Variants in NAALADL2 observed in about 807,000 individuals in gnomAD.
NAALADL2 encodes the protein N-acetylated alpha-linked acidic dipeptidase like 2, also known as inactive N-acetylated-alpha-linked acidic dipeptidase-like protein 2.
NAALADL2 carries 76 observed loss-of-function variants against 87.2 expected under a neutral mutation model. The ratio of observed to expected loss-of-function variants is 0.87; its 90% CI spans 0.72 to 1.05. The LOEUF (loss-of-function observed/expected upper bound fraction) is 1.05. Ranked by LOEUF, NAALADL2 falls within the 50% of genes least tolerant of loss-of-function variation. NAALADL2 has a pLI of 0.00. For missense variants in NAALADL2, 1,089 were observed against 945.8 expected (o/e 1.15, Z -1.99); for synonymous variants, 354 against 331.0 (o/e 1.07, Z -0.75).
chr3:174,649,114 C>A (rs1327857524), intron 2 of NAALADL2, among the ~76,000 whole-genome samples: 2 of 152,074 alleles, frequency 1.3e-5, no homozygotes, highest in Non-Finnish European at 2.9e-5. Flanking sequence ...CAGGCTCCTG[C>A]CACCGAGCCC....
chr3:175,508,121 T>C (rs995822983), intron 9 of NAALADL2, among the ~76,000 whole-genome samples: 1 of 152,178 alleles, frequency 6.6e-6, no homozygotes, highest in African/African-American at 2.4e-5. Context: ...CATACATTTT[T>C]AAACCACCAG....
intron 9 of NAALADL2, among the ~76,000 whole-genome samples, chr3:175,473,260 T>C (rs1725160438): frequency 6.6e-6 from 1 of 152,142 alleles, no homozygotes; most frequent in African/African-American, 2.4e-5. Flanking sequence ...CAAGTGATGA[T>C]TGATGATTCA....
chr3:174,775,454 T>C (rs1715092477), intron 3 of NAALADL2, among the ~76,000 whole-genome samples: 1 of 152,194 alleles, frequency 6.6e-6, no homozygotes, highest in South Asian at 2.1e-4. Flanking sequence ...GTTTCATCCA[T>C]GATATAGCAT....
chr3:175,590,930 C>T (rs771704239), intron 10 of NAALADL2, among the ~76,000 whole-genome samples: 1 of 151,890 alleles, frequency 6.6e-6, no homozygotes, highest in Non-Finnish European at 1.5e-5. Context: ...AAGGGGGGTG[C>T]GAATTATTAA....
chr3:174,814,400 C>T (rs570513808), intron 3 of NAALADL2, among the ~76,000 whole-genome samples: 7 of 152,252 alleles, frequency 4.6e-5, no homozygotes, highest in Non-Finnish European at 8.8e-5. Flanking sequence ...AGCCACTGTG[C>T]CTGGCCTGTT....
chr3:174,501,585 A>G (rs1402258724), intron 1 of NAALADL2, among the ~76,000 whole-genome samples: 3 of 152,176 alleles, frequency 2.0e-5, no homozygotes, highest in African/African-American at 7.2e-5. Flanking sequence ...AAGGTATAGG[A>G]CAACAAATGG....
intron 3 of NAALADL2, among the ~76,000 whole-genome samples, chr3:174,822,443 T>C (rs1721530415): frequency 1.3e-5 from 2 of 152,106 alleles, no homozygotes; most frequent in South Asian, 4.1e-4. Flanking sequence ...TTGGGCCAAA[T>C]ATAAAAATCA....
chr3:175,505,727 A>G (rs192595042), intron 9 of NAALADL2, among the ~76,000 whole-genome samples: 28 of 152,304 alleles, frequency 1.8e-4, no homozygotes, highest in African/African-American at 6.7e-4. Context: ...AGTTTGTCTT[A>G]GCAAGCAAAA....
chr3:174,449,728 T>G (rs763490833), intron 1 of NAALADL2, among the ~76,000 whole-genome samples: 1 of 152,190 alleles, frequency 6.6e-6, no homozygotes, highest in African/African-American at 2.4e-5. Context: ...AAGCAATGCA[T>G]TAAAGTCTGT....
chr3:174,671,748 G>A (rs1726558249), intron 2 of NAALADL2, among the ~76,000 whole-genome samples: 1 of 152,014 alleles, frequency 6.6e-6, no homozygotes, highest in Non-Finnish European at 1.5e-5. Flanking sequence ...TGGAGTTATA[G>A]GAACCTGGGT....
intron 10 of NAALADL2, among the ~76,000 whole-genome samples, chr3:175,586,429 A>G (rs887659701): frequency 1.3e-5 from 2 of 152,160 alleles, no homozygotes; most frequent in Non-Finnish European, 2.9e-5. Context: ...GTCTCCTTTC[A>G]TGCTGTTTTT....
At chr3:174,973,892 T>C (rs949663210) in intron 1 of NAALADL2, among the ~76,000 whole-genome samples, 2 of 152,208 alleles carry the variant, frequency 1.3e-5, no homozygotes, top group Admixed American at 6.5e-5. Flanking sequence ...ATGTGGCATA[T>C]GATTGTATAT....
intron 5 of NAALADL2, among the ~76,000 whole-genome samples, chr3:175,441,239 C>T (rs201251593): frequency 2.0e-5 from 3 of 151,894 alleles, no homozygotes; most frequent in South Asian, 2.1e-4. Context: ...GAATTTTCTC[C>T]GTGATGAGTA....
At chr3:175,435,598 T>G (rs1223308054) in intron 5 of NAALADL2, among the ~76,000 whole-genome samples, 1 of 152,084 alleles carries the variant, frequency 6.6e-6, no homozygotes, top group African/African-American at 2.4e-5. Context: ...TATACATATT[T>G]AAGCATATTT....
intron 2 of NAALADL2, among the ~76,000 whole-genome samples, chr3:175,178,230 A>T (rs186316440): frequency 6.6e-6 from 1 of 152,050 alleles, no homozygotes; most frequent in Non-Finnish European, 1.5e-5. Context: ...TGTTGGTGTT[A>T]GTTATATAAT....
chr3:175,111,140 G>T (rs1325347174), intron 2 of NAALADL2, among the ~76,000 whole-genome samples: 1 of 151,716 alleles, frequency 6.6e-6, no homozygotes, highest in East Asian at 1.9e-4. Context: ...CCCATATCCT[G>T]TGTGGAGCTA....
intron 1 of NAALADL2, among the ~76,000 whole-genome samples, chr3:174,952,538 T>C (rs1039301373): frequency 2.0e-5 from 3 of 152,128 alleles, no homozygotes; most frequent in African/African-American, 7.2e-5. Context: ...GCTTTTACTC[T>C]GAGCCACACA....
intron 2 of NAALADL2, among the ~76,000 whole-genome samples, chr3:175,136,952 G>T (rs946829799): frequency 1.3e-5 from 2 of 152,056 alleles, no homozygotes; most frequent in Admixed American, 1.3e-4. Context: ...ATACATCATT[G>T]GTGGGCAAAA....
intron 1 of NAALADL2, among the ~76,000 whole-genome samples, chr3:174,909,891 G>A (rs1303458944): frequency 6.6e-6 from 1 of 151,964 alleles, no homozygotes; most frequent in Non-Finnish European, 1.5e-5. Flanking sequence ...TGTAACATTT[G>A]TAACATTTGG....
Sources: gnomAD v4.1 joint callset for allele counts (sites outside exome capture counted in the v4.1 genomes callset) on GRCh38, gnomAD v4.1.1 for gene constraint, MANE v1.5 for transcripts, NCBI Gene and HGNC (gene_info 2026-07-23, HGNC 2026-07-21) for gene names.